Variants in CPA6 observed in about 807,000 individuals in gnomAD.
The protein encoded by CPA6 is carboxypeptidase A6.
In CPA6, 58 loss-of-function variants were observed where a neutral mutation model predicts 63.3. The observed-to-expected ratio is 0.92, with a 90% CI of 0.74 to 1.14. The LOEUF (loss-of-function observed/expected upper bound fraction) is 1.14. Ranked by LOEUF, CPA6 falls within the 50% of genes most tolerant of loss-of-function variation. CPA6 has a pLI of 0.00. For missense variants in CPA6, 565 were observed against 526.6 expected, an observed-to-expected ratio of 1.07 and a Z score of -0.71; for synonymous variants, 185 against 179.0, an observed-to-expected ratio of 1.03 and a Z score of -0.27.
chr8:67,448,147 C>G (rs992989523), intron 8 of CPA6, among the ~76,000 whole-genome samples: 7 of 152,154 alleles, frequency 4.6e-5, no homozygotes, highest in African/African-American at 1.7e-4. Context: ...CTTTGAATTG[C>G]TTAATCATGT....
At chr8:67,627,223 G>A (rs529547820) in intron 1 of CPA6, among the ~76,000 whole-genome samples, 7 of 152,210 alleles carry the variant, frequency 4.6e-5, no homozygotes, top group African/African-American at 1.7e-4. Flanking sequence ...TTCAGCATGT[G>A]AAAACCACAT....
chr8:67,713,099 G>GTGTGTGTGTGTATATA lies in CPA6; in HGVS notation c.116+32914_116+32915insTATATACACACACACA, dbSNP rs1328463977. Among the ~76,000 whole-genome samples the GTGTGTGTGTGTATATA allele has an allele frequency of 1.3e-3, 70 of 55,008 alleles. 1 individual carries two copies. The highest frequency in any genetic ancestry group is 4.7e-3 in the African/African-American group (64 of 13,474). 36.1% of individuals were successfully genotyped at this position (55,008 alleles called of 152,430 possible). ...TGTGTGTGTATGTGTGTGTGTGTGT[G>GTGTGTGTGTGTATATA]TATATATATATATATATATATATAT... On this transcript the variant is annotated intron_variant, in intron 1 of 10. Coordinates refer to ENST00000297770, the MANE Select transcript of CPA6 (RefSeq NM_020361.5).
intron 4 of CPA6, among the ~76,000 whole-genome samples, chr8:67,510,257 G>A (rs932865538): frequency 1.3e-5 from 2 of 152,038 alleles, no homozygotes; most frequent in African/African-American, 4.8e-5. Context: ...TGACTTAAAA[G>A]CCTTATAAGG....
At chr8:67,702,910 G>A (rs1436227170) in intron 1 of CPA6, among the ~76,000 whole-genome samples, 1 of 152,084 alleles carries the variant, frequency 6.6e-6, no homozygotes, top group Non-Finnish European at 1.5e-5. Context: ...TCTTCCAAGT[G>A]TACTTTACTT....
intron 1 of CPA6, among the ~76,000 whole-genome samples, chr8:67,625,945 T>C (rs760728620): frequency 2.6e-5 from 4 of 152,150 alleles, no homozygotes; most frequent in Non-Finnish European, 5.9e-5. Flanking sequence ...GATTGGTTCA[T>C]GGGGGCATAT....
chr8:67,516,891 G>T (rs1418513206), intron 3 of CPA6, among the ~76,000 whole-genome samples: 1 of 152,026 alleles, frequency 6.6e-6, no homozygotes, highest in African/African-American at 2.4e-5. Context: ...CTGCCTCCGG[G>T]GTTCAAGTGA....
intron 1 of CPA6, among the ~76,000 whole-genome samples, chr8:67,712,354 G>A (rs1817281723): frequency 6.6e-6 from 1 of 152,146 alleles, no homozygotes; most frequent in Non-Finnish European, 1.5e-5. Flanking sequence ...TGGTAACAGA[G>A]AATTTTATCA....
At chr8:67,708,765 AG>A (rs1367044484) in intron 1 of CPA6, among the ~76,000 whole-genome samples, 1 of 152,200 alleles carries the variant, frequency 6.6e-6, no homozygotes, top group Non-Finnish European at 1.5e-5. Context: ...CAGTTACAGA[AG>A]ACTAATCTTC....
intron 2 of CPA6, among the ~76,000 whole-genome samples, chr8:67,600,269 C>T (rs1814459604): frequency 7.4e-6 from 1 of 135,864 alleles, no homozygotes; most frequent in Non-Finnish European, 1.5e-5. Context: ...CACAAAAAGA[C>T]AAATACTGCA....
chr8:67,433,976 C>A, intron 9 of CPA6, 62 bp downstream of exon 9: 1 of 1,162,078 alleles, frequency 8.6e-7, no homozygotes, highest in Admixed American at 1.7e-5. Context: ...GTACTTAGAA[C>A]CATCTTAGCT....
At chr8:67,704,747 G>A (rs1467489470) in intron 1 of CPA6, among the ~76,000 whole-genome samples, 1 of 152,206 alleles carries the variant, frequency 6.6e-6, no homozygotes, top group Non-Finnish European at 1.5e-5. Flanking sequence ...AAGGATGAAT[G>A]AGGGTCACCC....
rs528261019 is a variant in CPA6 at position 67,656,383 on chromosome 8, C to A, written c.117-32132G>T. Among the ~76,000 whole-genome samples, 79 of 152,272 alleles carry A rather than the reference C, an allele frequency of 5.2e-4. 2 individuals carry two copies. The South Asian group carries it at 0.016, about 31-fold the overall frequency. On this transcript the variant is annotated intron_variant, in intron 1 of 10. Coordinates refer to ENST00000297770, the MANE Select transcript of CPA6 (RefSeq NM_020361.5). ...CCATTCTACTCTCTTCAACTATTCC[C>A]ACAAATGTTACAGGGCAGGAAACAT...
At chr8:67,612,820 T>G (rs1458479085) in intron 2 of CPA6, among the ~76,000 whole-genome samples, 8 of 152,136 alleles carry the variant, frequency 5.3e-5, no homozygotes, top group Non-Finnish European at 1.2e-4. Context: ...CTAATAGCTG[T>G]TTTTAGGTTA....
intron 1 of CPA6, among the ~76,000 whole-genome samples, chr8:67,671,480 G>T (rs147535542): frequency 6.6e-6 from 1 of 152,174 alleles, no homozygotes; most frequent in African/African-American, 2.4e-5. Flanking sequence ...TAAGAATCAG[G>T]CTGAGATACC....
intron 8 of CPA6, among the ~76,000 whole-genome samples, chr8:67,469,304 C>A (rs1032534750): frequency 6.6e-6 from 1 of 152,060 alleles, no homozygotes; most frequent in Non-Finnish European, 1.5e-5. Context: ...TCAGTTAAAG[C>A]CCTGAATAGA....
chr8:67,518,090 G>C, intron 2 of CPA6, 43 bp from the exon 3 acceptor site: 1 of 1,489,724 alleles, frequency 6.7e-7, no homozygotes, highest in South Asian at 1.4e-5. Flanking sequence ...CCAACGTAGG[G>C]GGGGAAAATC....
chr8:67,650,312 A>C (rs1263969429), intron 1 of CPA6, among the ~76,000 whole-genome samples: 1 of 152,180 alleles, frequency 6.6e-6, no homozygotes, highest in African/African-American at 2.4e-5. Context: ...AATTATTTGT[A>C]TATAAACGAA....
intron 1 of CPA6, among the ~76,000 whole-genome samples, chr8:67,672,422 G>T (rs943592671): frequency 8.6e-5 from 13 of 151,764 alleles, no homozygotes; most frequent in Non-Finnish European, 4.4e-5. Flanking sequence ...TTTTCCCCTT[G>T]TTTCACTAAA....
rs371990769 is a variant in CPA6, at chr8:67,605,214, T to C, written c.192+18962A>G. Among the ~76,000 whole-genome samples the C allele has an allele frequency of 3.1e-3, 477 of 152,128 alleles. 8 individuals carry two copies. The South Asian group carries it at 0.039, about 12-fold the overall frequency. Reference sequence around the variant, plus strand: ...TGTGTGATTCATCCAATGCCCAACATAGAGTATTCCATTTAGATCTGTTTG... The same window carrying C: ...TGTGTGATTCATCCAATGCCCAACACAGAGTATTCCATTTAGATCTGTTTG... On this transcript the variant is annotated intron_variant, in intron 2 of 10. Transcript: ENST00000297770.
Sources: gnomAD v4.1 joint callset for allele counts (sites outside exome capture counted in the v4.1 genomes callset) on GRCh38, gnomAD v4.1.1 for gene constraint, MANE v1.5 for transcripts, NCBI Gene and HGNC (gene_info 2026-07-23, HGNC 2026-07-21) for gene names.